Variants in SUN2 observed in about 807,000 individuals in gnomAD.
SUN2 encodes the protein SUN domain-containing protein 2.
SUN2 carries 60 observed loss-of-function variants against 100.0 expected under a neutral mutation model. That is an observed-to-expected ratio of 0.60 (90% CI 0.49 to 0.74). The LOEUF (loss-of-function observed/expected upper bound fraction) is 0.74. Among genes scored for constraint, SUN2 ranks in the 30% least tolerant of loss-of-function variants. The pLI, the probability that SUN2 is intolerant of heterozygous loss-of-function variation, is 0.00. For missense variants in SUN2, 834 were observed against 954.6 expected (o/e 0.87, Z 1.66); for synonymous variants, 367 against 403.3 (o/e 0.91, Z 1.08).
intron 6 of SUN2, 128 bp downstream of exon 6, chr22:38,749,638 C>A: frequency 1.2e-6 from 1 of 839,992 alleles, no homozygotes; most frequent in Non-Finnish European, 1.8e-6. Context: ...ACTCCGTGAT[C>A]GCTAATAAAG....
intron 1 of SUN2, chr22:38,754,603 T>TGGGGTGGG: frequency 1.0e-5 from 9 of 889,150 alleles, no homozygotes; most frequent in East Asian, 6.3e-5. Context: ...TAAGGTAATC[T>TGGGGTGGG]CCCCTCCCCC....
At chr22:38,747,331 CAAAA>C (rs371350765) in intron 7 of SUN2, among the ~76,000 whole-genome samples, 3 of 99,326 alleles carry the variant, frequency 3.0e-5, no homozygotes, top group Admixed American at 2.4e-4. Flanking sequence ...AACTCCGTCT[CAAAA>C]AAAAAAAAAA....
chr22:38,739,352 C>T lies in SUN2; in HGVS notation c.1653G>A (p.Leu551=). ...EDRIGLADYA[L]ESGGASVIST... is the part of the protein sequence containing the mutation. ...AAGCAGAGCACGTACCTCCTGACTC[C>T]AGGGCGTAGTCTGCCAGCCCGATGC... The change falls in exon 14 of 18, where the codon CTG becomes CTA. Residue 551 remains leucine (L), a synonymous_variant. Coordinates refer to ENST00000689035, the MANE Select transcript of SUN2 (RefSeq NM_015374.3). The surrounding 1 kb of genome is among the most constrained non-coding windows in gnomAD (Gnocchi z 6.7). 1 of 1,613,080 alleles carries T rather than the reference C, an allele frequency of 6.2e-7. No individual in the cohort carries two copies. Among genetic ancestry groups the T allele is most frequent in the South Asian group, 1.1e-5 (1 of 91,092 alleles).
chr22:38,738,910 AG>A lies in SUN2; in HGVS notation c.1741del (p.Leu581CysfsTer46). ...TALLSLFGIP[L>X]WYHSQSPRVI... ...TCGGGGTGACTGGGAGTGGTACCAC[AG>A]GGGGATGCCGAAGAGGCTGAGGAGG... On this transcript the variant is annotated frameshift_variant, in exon 15 of 18. Transcript: ENST00000689035. LOFTEE classifies it high-confidence loss of function. The surrounding 1 kb of genome is among the most constrained non-coding windows in gnomAD (Gnocchi z 6.6). The A allele has an allele frequency of 6.2e-7, 1 of 1,611,758 alleles. No individual in the cohort carries two copies.
rs372361156 is a variant in SUN2 at position 38,736,159 on chromosome 22, C to A, written c.*108G>T. On this transcript the variant is annotated 3_prime_UTR_variant, in exon 18 of 18. Coordinates refer to ENST00000689035, the MANE Select transcript of SUN2 (RefSeq NM_015374.3). ...TTCATCTGCATGGGGCCACAGGCTC[C>A]TCTCTTGTGCTCCTAGAAGTCAGAG... The A allele has an allele frequency of 9.3e-7, 1 of 1,079,516 alleles. No individual in the cohort carries two copies. Among genetic ancestry groups the A allele is most frequent in the South Asian group, 1.3e-5 (1 of 77,006 alleles). The allele number at this position is 1,079,516 out of a possible 1,614,324, so 66.9% of individuals were successfully genotyped here.
At chr22:38,754,436 A>G (rs1436343169) in intron 1 of SUN2, among the ~76,000 whole-genome samples, 1 of 152,206 alleles carries the variant, frequency 6.6e-6, no homozygotes, top group Non-Finnish European at 1.5e-5. Context: ...CTCCTCTGAA[A>G]AACAAGCAGC....
chr22:38,751,070 T>C (rs375212547), intron 3 of SUN2, 35 bp from the exon 4 acceptor site: 461 of 1,608,952 alleles, frequency 2.9e-4, no homozygotes, highest in Admixed American at 3.7e-4. Context: ...CTTCTGGGCC[T>C]CCAAGAGCTT....
At chr22:38,754,553 A>T in intron 1 of SUN2, 1 of 1,056,606 alleles carries the variant, frequency 9.5e-7, no homozygotes, top group Non-Finnish European at 1.3e-6. Flanking sequence ...TAGGAAAAGC[A>T]GGAAGTTGGC....
chr22:38,736,181 AGAGCGCC>A lies in SUN2; in HGVS notation c.*79_*85del, dbSNP rs755161148. 3 of 1,289,200 alleles carry A rather than the reference AGAGCGCC, an allele frequency of 2.3e-6. No homozygotes were observed. In the African/African-American group the frequency reaches 4.4e-5, roughly 19 times the overall value. The allele number at this position is 1,289,200 out of a possible 1,614,324, so 79.9% of individuals were successfully genotyped here. A position where few individuals can be genotyped will look rare whatever the true frequency, so the allele number is the denominator to read the frequency against. Reference sequence around the variant, plus strand: ...CTCCTCTCTTGTGCTCCTAGAAGTCAGAGCGCCGAGCAAGCGTGTGGGGGAAGCGGCG... The same window carrying A: ...CTCCTCTCTTGTGCTCCTAGAAGTCAGAGCAAGCGTGTGGGGGAAGCGGCG... On this transcript the variant is annotated 3_prime_UTR_variant, in exon 18 of 18. Coordinates refer to ENST00000689035, the MANE Select transcript of SUN2 (RefSeq NM_015374.3).
In SUN2 at chr22:38,736,220, TGTTCACCCA is replaced by T; in HGVS notation, c.*38_*46del. Reference sequence around the variant, plus strand: ...GCGTGTGGGGGAAGCGGCGGGGTGCTGTTCACCCACTCCCAGATGGCTGGCAGCAGGCAC... The same window carrying T: ...GCGTGTGGGGGAAGCGGCGGGGTGCTCTCCCAGATGGCTGGCAGCAGGCAC... On this transcript the variant is annotated 3_prime_UTR_variant, in exon 18 of 18. Coordinates refer to ENST00000689035, the MANE Select transcript of SUN2 (RefSeq NM_015374.3). The T allele has an allele frequency of 6.5e-7, 1 of 1,547,686 alleles. No homozygotes were observed. The highest frequency in any genetic ancestry group is 8.9e-7 in the Non-Finnish European group (1 of 1,123,586).
chr22:38,741,587 G>A lies in SUN2; in HGVS notation c.1069-16C>T. ...ACAGTTCTTCCTGTGAGACGGGAGT[G>A]AGAGGACAGGTTGGACAGAGCCATG... On this transcript the variant is annotated splice_polypyrimidine_tract_variant and intron_variant, in intron 9 of 17. Transcript: ENST00000689035. 6.2e-7 allele frequency: 1 copy of A among 1,613,078 alleles called. No individual in the cohort carries two copies. The highest frequency in any genetic ancestry group is 8.5e-7 in the Non-Finnish European group (1 of 1,179,252).
rs951655928 is a variant in SUN2 at position 38,748,847 on chromosome 22, G to C, written c.615-64C>G. On this transcript the variant is annotated intron_variant, in intron 6 of 17. Coordinates refer to ENST00000689035, the MANE Select transcript of SUN2 (RefSeq NM_015374.3). ...TGTGAGGGGAGCTCCAGGCCTCCAC[G>C]TTCCACCCAGGGAGTACCCTGAGAT... The C allele has an allele frequency of 2.0e-6, 3 of 1,514,626 alleles. No homozygotes were observed. The East Asian group carries it at 6.8e-5, about 34-fold the overall frequency. 93.8% of individuals were successfully genotyped at this position (1,514,626 alleles called of 1,614,324 possible). A position where few individuals can be genotyped will look rare whatever the true frequency, so the allele number is the denominator to read the frequency against.
Position 38,749,712 on chromosome 22 carries a change from G to A in SUN2, c.614+54C>T, listed in dbSNP as rs1363570940. On this transcript the variant is annotated intron_variant, in intron 6 of 17. Coordinates refer to ENST00000689035, the MANE Select transcript of SUN2 (RefSeq NM_015374.3). ...CATTACAGGTTGACACACTTTACCC[G>A]TCCCTTCACCCCAGGGCCTTGCGAT... The A allele has an allele frequency of 1.8e-5, 28 of 1,519,482 alleles. No individual in the cohort carries two copies. In the Admixed American group the frequency reaches 2.0e-4, roughly 11 times the overall value. 94.1% of individuals were successfully genotyped at this position (1,519,482 alleles called of 1,614,324 possible). A position where few individuals can be genotyped will look rare whatever the true frequency, so the allele number is the denominator to read the frequency against.
Position 38,734,986 on chromosome 22 carries a change from A to C in SUN2, c.*1281T>G. 3.4e-6 allele frequency: 1 copy of C among 293,276 alleles called. No homozygotes were observed. The highest frequency in any genetic ancestry group is 2.8e-5 in the South Asian group (1 of 35,416). The allele number at this position is 293,276 out of a possible 1,614,324, so 18.2% of individuals were successfully genotyped here. A position where few individuals can be genotyped will look rare whatever the true frequency, so the allele number is the denominator to read the frequency against. ...CAGCCAGACCACCAGACACAGCCGG[A>C]ACCAGTGCCCCAGGCCCCTCTCCAC... On this transcript the variant is annotated 3_prime_UTR_variant, in exon 18 of 18. Transcript: ENST00000689035.
At position 38,755,969 on chromosome 22, in the gene SUN2, T is replaced by TGCGCGAGTGGGGCCGGGCGGC; in HGVS notation, c.-265_-245dup. The TGCGCGAGTGGGGCCGGGCGGC allele has an allele frequency of 1.0e-6, 1 of 982,918 alleles. No individual in the cohort carries two copies. Among genetic ancestry groups the TGCGCGAGTGGGGCCGGGCGGC allele is most frequent in the Non-Finnish European group, 1.2e-6 (1 of 828,818 alleles). The allele number at this position is 982,918 out of a possible 1,614,324, so 60.9% of individuals were successfully genotyped here. On this transcript the variant is annotated 5_prime_UTR_variant, in exon 1 of 18. Transcript: ENST00000689035. The surrounding 1 kb of genome is among the most constrained non-coding windows in gnomAD (Gnocchi z 5.7). ...CAATGCGGCCGGCGGAGGCCCGCGC[T>TGCGCGAGTGGGGCCGGGCGGC]GCGCGAGTGGGGCCGGGCGGCGCGC...
Position 38,738,908 on chromosome 22 carries a change from A to G in SUN2, c.1744T>C (p.Trp582Arg), listed in dbSNP as rs760638811. ...ACTCGGGGTGACTGGGAGTGGTACC[A>G]CAGGGGGATGCCGAAGAGGCTGAGG... ...ALLSLFGIPL[W>R]YHSQSPRVIL... is the part of the protein sequence containing the mutation. The change falls in exon 15 of 18, where the codon TGG becomes CGG. Residue 582 changes from tryptophan to arginine, a missense_variant. Trp to Arg is a moderately radical substitution (Grantham distance 101). Around this residue, in one of 3 missense-constraint regions of SUN2, gnomAD observed 195 missense variants for 280.2 expected, o/e 0.70. Transcript: ENST00000689035. The surrounding 1 kb of genome is among the most constrained non-coding windows in gnomAD (Gnocchi z 6.6). 6.2e-7 allele frequency: 1 copy of G among 1,611,766 alleles called. No homozygotes were observed. The highest frequency in any genetic ancestry group is 8.5e-7 in the Non-Finnish European group (1 of 1,178,626).
Position 38,739,640 on chromosome 22 carries a change from G to A in SUN2, c.1578+82C>T, listed in dbSNP as rs1275066519. ...CACTTCCATCCTGGAACCTGCCAGG[G>A]AGCTGGCAGTGTGGGACTGTCCAGG... On this transcript the variant is annotated intron_variant, in intron 13 of 17. Coordinates refer to ENST00000689035, the MANE Select transcript of SUN2 (RefSeq NM_015374.3). This position sits in a 1 kb window ranked among gnomAD's most constrained non-coding sequence, Gnocchi z 6.7. 6.7e-7 allele frequency: 1 copy of A among 1,492,930 alleles called. No homozygotes were observed. Among genetic ancestry groups the A allele is most frequent in the South Asian group, 1.2e-5 (1 of 82,328 alleles). The allele number at this position is 1,492,930 out of a possible 1,614,324, so 92.5% of individuals were successfully genotyped here. A position where few individuals can be genotyped will look rare whatever the true frequency, so the allele number is the denominator to read the frequency against.
rs1048406599 is a variant in SUN2 at position 38,740,740 on chromosome 22, G to A, written c.1190+267C>T. On this transcript the variant is annotated intron_variant, in intron 11 of 17. Coordinates refer to ENST00000689035, the MANE Select transcript of SUN2 (RefSeq NM_015374.3). The surrounding 1 kb of genome is among the most constrained non-coding windows in gnomAD (Gnocchi z 4.8). ...CATGAGAAGGCAGTTATGTGAGGCTGTAAGAAAGGATGCTGTGTCTATAAA... is the reference window on the plus strand; with the variant it reads ...CATGAGAAGGCAGTTATGTGAGGCTATAAGAAAGGATGCTGTGTCTATAAA... 3.2e-5 allele frequency: 19 copies of A among 589,486 alleles called. No homozygotes were observed. The Middle Eastern group carries it at 2.7e-3, about 83-fold the overall frequency. 36.5% of individuals were successfully genotyped at this position (589,486 alleles called of 1,614,324 possible). A position where few individuals can be genotyped will look rare whatever the true frequency, so the allele number is the denominator to read the frequency against.
At chr22:38,742,728 AG>A in intron 8 of SUN2, 173 bp from the exon 9 acceptor site, 1 of 778,916 alleles carries the variant, frequency 1.3e-6, no homozygotes, top group South Asian at 2.0e-5. Flanking sequence ...CCGACCTCTG[AG>A]CTGGGTGTGC....
Sources: gnomAD v4.1 joint callset for allele counts (sites outside exome capture counted in the v4.1 genomes callset) on GRCh38, gnomAD v4.1.1 for gene constraint, gnomAD v4.1.1 regional missense constraint, Gnocchi (gnomAD v3.1) non-coding constraint, MANE v1.5 for transcripts, NCBI Gene and HGNC (gene_info 2026-07-23, HGNC 2026-07-21) for gene names.